The following PCDHAC1 variants were observed in gnomAD, a reference collection of about 807,000 sequenced individuals.
PCDHAC1 encodes the protein protocadherin alpha subfamily C, 1.
Under a neutral mutation model 60.0 loss-of-function variants are expected in PCDHAC1, and 42 were observed. The ratio of observed to expected loss-of-function variants is 0.70; its 90% CI spans 0.55 to 0.90. The LOEUF (loss-of-function observed/expected upper bound fraction) is 0.90, where lower values mean the gene tolerates loss of function less well. Among genes scored for constraint, PCDHAC1 ranks in the 40% least tolerant of loss-of-function variants. The pLI is 0.00. For missense variants in PCDHAC1, 1,160 were observed against 1,222.3 expected (o/e 0.95, Z 0.76); for synonymous variants, 468 against 499.3 (o/e 0.94, Z 0.84).
At chr5:141,009,217 G>T (rs1554262066) in intron 3 of PCDHAC1, among the ~76,000 whole-genome samples, 1 of 152,234 alleles carries the variant, frequency 6.6e-6, no homozygotes, top group African/African-American at 2.4e-5. Flanking sequence ...CACTTTGGGA[G>T]GCCAAGGTGG....
At chr5:140,966,798 C>T in intron 1 of PCDHAC1, 1 of 1,537,636 alleles carries the variant, frequency 6.5e-7, no homozygotes, top group Non-Finnish European at 8.7e-7. Context: ...CCTGCGGCGA[C>T]AGAGCATCCA....
intron 3 of PCDHAC1, among the ~76,000 whole-genome samples, chr5:140,997,797 C>A (rs2097786104): frequency 6.6e-6 from 1 of 151,944 alleles, no homozygotes; most frequent in Non-Finnish European, 1.5e-5. Context: ...TATAATTTAT[C>A]CAATTTGCTG....
chr5:140,927,019 T>C lies in PCDHAC1; in HGVS notation c.127T>C (p.Leu43=). 1 of 1,612,660 alleles carries C rather than the reference T, an allele frequency of 6.2e-7. No individual in the cohort carries two copies. The highest frequency in any genetic ancestry group is 8.5e-7 in the Non-Finnish European group (1 of 1,179,082). The change falls in exon 1 of 4, where the codon TTG becomes CTG. Residue 43 remains leucine (L), a synonymous_variant. Coordinates refer to ENST00000253807, the MANE Select transcript of PCDHAC1 (RefSeq NM_018898.5). Reference sequence around the variant, plus strand: ...AGCCGTAGGCAATCTCTCCGCGGACTTGAGGCTGCCAGCGGCCGCTATGTC... The same window carrying C: ...AGCCGTAGGCAATCTCTCCGCGGACCTGAGGCTGCCAGCGGCCGCTATGTC... ...GVAVGNLSAD[L]RLPAAAMSSR...
At chr5:140,956,565 A>G (rs190736286) in intron 1 of PCDHAC1, among the ~76,000 whole-genome samples, 2 of 152,284 alleles carry the variant, frequency 1.3e-5, no homozygotes, top group Non-Finnish European at 2.9e-5. Flanking sequence ...TATCTTATTG[A>G]GGATTTTTGC....
intron 1 of PCDHAC1, among the ~76,000 whole-genome samples, chr5:140,936,121 G>C (rs1381895785): frequency 6.6e-6 from 1 of 152,068 alleles, no homozygotes; most frequent in Non-Finnish European, 1.5e-5. Flanking sequence ...TCGAACTCCT[G>C]ACCTTAAGTG....
intron 3 of PCDHAC1, among the ~76,000 whole-genome samples, chr5:140,995,291 G>A (rs958346050): frequency 1.4e-4 from 22 of 152,086 alleles, no homozygotes; most frequent in African/African-American, 4.6e-4. Flanking sequence ...ACAGCCAGTC[G>A]GATACCAAGA....
rs1587841717 is a variant in PCDHAC1, at chr5:140,999,568, GA to G, written c.2582-10058del. On this transcript the variant is annotated intron_variant, in intron 3 of 3. Transcript: ENST00000253807. ...ATGAAGAGGGGGTATTTTGAGAAGA[GA>G]CTATAAAGGGAAATTGCCTTCCCTA... Among the ~76,000 whole-genome samples the G allele has an allele frequency of 2.0e-5, 3 of 152,084 alleles. No homozygotes were observed. In the South Asian group the frequency reaches 6.2e-4, roughly 32 times the overall value.
In PCDHAC1 at chr5:140,979,814, T is replaced by C. The variant is rs1296773498; in HGVS notation, c.2492+807T>C. 3.3e-5 allele frequency among the ~76,000 whole-genome samples: 5 copies of C among 152,232 alleles called. No homozygotes were observed. The South Asian group carries it at 8.3e-4, about 25-fold the overall frequency. On this transcript the variant is annotated intron_variant, in intron 2 of 3. Transcript: ENST00000253807. The stretch of plus-strand genomic sequence containing the variant: ...CAAATGATCACAACTATCAAAAGGA[T>C]TTAATTTTAAAGAAGAAATAATCTT...
intron 1 of PCDHAC1, chr5:140,968,425 C>T (rs1195446919): frequency 6.2e-7 from 1 of 1,613,832 alleles, no homozygotes; most frequent in Non-Finnish European, 8.5e-7. Flanking sequence ...AGGCTCAGGA[C>T]AAGGGGAGCC....
At chr5:140,976,594 T>C (rs2096724606) in intron 1 of PCDHAC1, among the ~76,000 whole-genome samples, 1 of 152,146 alleles carries the variant, frequency 6.6e-6, no homozygotes, top group Non-Finnish European at 1.5e-5. Flanking sequence ...ACTTTTGTGT[T>C]AAGGGGACCT....
In PCDHAC1 at chr5:140,964,303, C is replaced by T. The variant is rs947126454; in HGVS notation, c.2434-14646C>T. Among the ~76,000 whole-genome samples the T allele has an allele frequency of 9.2e-5, 14 of 152,208 alleles. 1 individual carries two copies. Among genetic ancestry groups the T allele is most frequent in the Non-Finnish European group, 2.9e-5 (2 of 68,038 alleles). On this transcript the variant is annotated intron_variant, in intron 1 of 3. Coordinates refer to ENST00000253807, the MANE Select transcript of PCDHAC1 (RefSeq NM_018898.5). ...AATTCTAGCTGGAGCTAAATACCTA[C>T]AAGGCCTAAAACAGCATAATGGACA... is the stretch of plus-strand genomic sequence containing the variant.
chr5:141,001,594 A>AT (rs1216872407), intron 3 of PCDHAC1, among the ~76,000 whole-genome samples: 1 of 152,040 alleles, frequency 6.6e-6, no homozygotes, highest in Non-Finnish European at 1.5e-5. Flanking sequence ...GATTACTCAG[A>AT]TTAGGTTTGC....
intron 3 of PCDHAC1, among the ~76,000 whole-genome samples, chr5:141,008,031 T>C (rs566619568): frequency 1.3e-5 from 2 of 152,336 alleles, no homozygotes; most frequent in Admixed American, 6.5e-5. Flanking sequence ...TTCTTGTTAA[T>C]CTGCCTTTTG....
intron 1 of PCDHAC1, chr5:140,968,154 A>G (rs782200456): frequency 3.7e-6 from 6 of 1,614,162 alleles, no homozygotes; most frequent in South Asian, 1.1e-5. Flanking sequence ...TCTGACATCA[A>G]TGACAATCCA....
intron 3 of PCDHAC1, among the ~76,000 whole-genome samples, chr5:140,994,578 A>C (rs1563601392): frequency 6.6e-6 from 1 of 151,958 alleles, no homozygotes; most frequent in Non-Finnish European, 1.5e-5. Context: ...GGTGGCATGC[A>C]CTTGTAGTCT....
At chr5:140,952,972 A>G (rs1206326487) in intron 1 of PCDHAC1, among the ~76,000 whole-genome samples, 1 of 152,074 alleles carries the variant, frequency 6.6e-6, no homozygotes, top group Non-Finnish European at 1.5e-5. Context: ...CACACTTTTA[A>G]ACAACAAGAT....
Position 140,963,600 on chromosome 5 carries a change from G to A in PCDHAC1, c.2434-15349G>A, listed in dbSNP as rs111244023. Among the ~76,000 whole-genome samples, 12 of 152,298 alleles carry A rather than the reference G, an allele frequency of 7.9e-5. No homozygotes were observed. In the South Asian group the frequency reaches 1.7e-3, roughly 21 times the overall value. ...CAAAATGTAGGATATAGTTCTAGAC[G>A]TAATTGGGAAAGCTTAACTTTGTTG... On this transcript the variant is annotated intron_variant, in intron 1 of 3. Transcript: ENST00000253807.
intron 1 of PCDHAC1, among the ~76,000 whole-genome samples, chr5:140,943,353 G>A (rs2093481887): frequency 6.6e-6 from 1 of 151,602 alleles, no homozygotes; most frequent in Non-Finnish European, 1.5e-5. Flanking sequence ...TGAGAGTAGA[G>A]GAAAGGAGAT....
chr5:140,967,073 G>T, intron 1 of PCDHAC1: 1 of 1,613,160 alleles, frequency 6.2e-7, no homozygotes, highest in Non-Finnish European at 8.5e-7. Flanking sequence ...CTTCGTCAAC[G>T]AGCGCATTGA....
Sources: gnomAD v4.1 joint callset for allele counts (sites outside exome capture counted in the v4.1 genomes callset) on GRCh38, gnomAD v4.1.1 for gene constraint, MANE v1.5 for transcripts, NCBI Gene and HGNC (gene_info 2026-07-23, HGNC 2026-07-21) for gene names.